FRMPD4: variants seen among roughly 807,000 people sequenced by gnomAD.
FRMPD4 encodes the protein FERM and PDZ domain containing 4.
In FRMPD4, 22 loss-of-function variants were observed where a neutral mutation model predicts 94.1. That is an observed-to-expected ratio of 0.23 (90% CI 0.17 to 0.33). The LOEUF is 0.33. Ranked by LOEUF, FRMPD4 falls within the 10% of genes least tolerant of loss-of-function variation. The pLI is 1.00. For synonymous variants in FRMPD4, 631 were observed against 548.6 expected, an observed-to-expected ratio of 1.15 and a Z score of -2.10; for missense variants, 1,111 against 1,339.9, an observed-to-expected ratio of 0.83 and a Z score of 2.67.
At chrX:12,684,976 C>T (rs2060006237) in intron 6 of FRMPD4, among the ~76,000 whole-genome samples, 1 of 111,821 alleles carries the variant, frequency 8.9e-6, no homozygotes, top group African/African-American at 3.3e-5. Context: ...TGACTGTCTT[C>T]ATTTCCAGTT....
chrX:12,421,068 C>T (rs938968791), intron 1 of FRMPD4, among the ~76,000 whole-genome samples: 1 of 111,165 alleles, frequency 9.0e-6, no homozygotes, highest in African/African-American at 3.3e-5. Context: ...GATATAATTT[C>T]ACCTACTGCC....
intron 3 of FRMPD4, among the ~76,000 whole-genome samples, chrX:11,933,054 G>C (rs1277776421): frequency 9.0e-6 from 1 of 111,573 alleles, no homozygotes; most frequent in South Asian, 3.8e-4. Context: ...GTTTAAGACC[G>C]AGTCCCCAAA....
intron 3 of FRMPD4, among the ~76,000 whole-genome samples, chrX:11,916,445 G>A (rs2054025389): frequency 9.0e-6 from 1 of 111,385 alleles, no homozygotes; most frequent in African/African-American, 3.3e-5. Context: ...AGGGAAAAAG[G>A]GGGATAATGA....
At chrX:12,665,774 A>G (rs898313863) in intron 4 of FRMPD4, among the ~76,000 whole-genome samples, 1 of 112,177 alleles carries the variant, frequency 8.9e-6, no homozygotes, top group African/African-American at 3.2e-5. Context: ...TCCTGAAGTA[A>G]GCACTAAATA....
chrX:12,402,358 G>A (rs12011867), intron 1 of FRMPD4, among the ~76,000 whole-genome samples: 5,706 of 111,071 alleles, frequency 0.051, 351 homozygotes, highest in African/African-American at 0.18. Flanking sequence ...TTCCACAAGA[G>A]GTCCAAAGCC....
At chrX:12,082,810 C>T (rs896967956) in intron 3 of FRMPD4, among the ~76,000 whole-genome samples, 1 of 111,767 alleles carries the variant, frequency 8.9e-6, no homozygotes, top group South Asian at 3.8e-4. Flanking sequence ...AGACTAGCGG[C>T]ATTTTCCCCC....
intron 3 of FRMPD4, among the ~76,000 whole-genome samples, chrX:12,038,443 A>C (rs1231109932): frequency 2.7e-5 from 3 of 112,217 alleles, no homozygotes; most frequent in Admixed American, 9.4e-5. Context: ...ACCCTTCTTT[A>C]GAATGTTTTT....
chrX:12,533,897 C>T (rs2148293983), intron 2 of FRMPD4, among the ~76,000 whole-genome samples: 1 of 112,776 alleles, frequency 8.9e-6, no homozygotes, highest in African/African-American at 3.2e-5. Flanking sequence ...AGGAGAAATT[C>T]AAGCAGGCTG....
intron 1 of FRMPD4, among the ~76,000 whole-genome samples, chrX:12,415,503 A>G (rs1255801784): frequency 8.9e-6 from 1 of 111,811 alleles, no homozygotes; most frequent in Non-Finnish European, 1.9e-5. Flanking sequence ...TTCATCTTCC[A>G]ACACCCCCTT....
chrX:11,877,426 A>C (rs1250962411), intron 2 of FRMPD4, among the ~76,000 whole-genome samples: 5 of 111,430 alleles, frequency 4.5e-5, no homozygotes, highest in African/African-American at 1.6e-4. Flanking sequence ...GCAGATGCTG[A>C]AGCTGCAGTT....
At chrX:12,303,980 G>T (rs1213008510) in intron 1 of FRMPD4, among the ~76,000 whole-genome samples, 1 of 112,326 alleles carries the variant, frequency 8.9e-6, no homozygotes. Context: ...AGACTGTACA[G>T]TCCTGAGCTG....
chrX:12,152,447 G>T (rs1332218900), intron 1 of FRMPD4, among the ~76,000 whole-genome samples: 1 of 110,876 alleles, frequency 9.0e-6, no homozygotes, highest in Non-Finnish European at 1.9e-5. Flanking sequence ...GGATCTATAA[G>T]AAACTAATAA....
intron 3 of FRMPD4, among the ~76,000 whole-genome samples, chrX:11,904,607 A>G (rs2053957750): frequency 8.9e-6 from 1 of 112,254 alleles, no homozygotes; most frequent in Non-Finnish European, 1.9e-5. Flanking sequence ...CACCCTTCTC[A>G]GGAAGCAAGC....
At chrX:12,660,721 T>A (rs1255978153) in intron 4 of FRMPD4, among the ~76,000 whole-genome samples, 3 of 112,444 alleles carry the variant, frequency 2.7e-5, no homozygotes, top group African/African-American at 9.7e-5. Flanking sequence ...ATAATTAATA[T>A]AAATAATTGG....
In FRMPD4 at chrX:12,717,610, G is replaced by A. The variant is rs777248043; in HGVS notation, c.2784G>A (p.Gln928=). ...CTGAACTGGCCACAGCACAAAAACA[G>A]TCAGAAAACCTCTCCCGCATGTTCT... ...ESSELATAQK[Q]SENLSRMFLA... Residue 928 remains glutamine (Q), a synonymous_variant, in exon 16 of 17, where the codon CAG becomes CAA. Coordinates refer to ENST00000675598, the MANE Select transcript of FRMPD4 (RefSeq NM_001368397.1). 8.3e-7 allele frequency: 1 copy of A among 1,207,532 alleles called. No individual in the cohort carries two copies. Among genetic ancestry groups the A allele is most frequent in the East Asian group, 3.0e-5 (1 of 33,839 alleles).
chrX:11,840,334 T>A (rs1471838299), intron 1 of FRMPD4, among the ~76,000 whole-genome samples: 1 of 111,741 alleles, frequency 8.9e-6, no homozygotes, highest in Non-Finnish European at 1.9e-5. Flanking sequence ...TATAATATTG[T>A]GGATGAATTT....
chrX:11,867,769 C>T (rs931762393), intron 2 of FRMPD4, among the ~76,000 whole-genome samples: 4 of 111,377 alleles, frequency 3.6e-5, no homozygotes, highest in Non-Finnish European at 3.8e-5. Flanking sequence ...CCCCTGTGTT[C>T]TGTTGTGACC....
chrX:12,266,200 CATTATT>C (rs2147836612), intron 1 of FRMPD4, among the ~76,000 whole-genome samples: 2 of 85,404 alleles, frequency 2.3e-5, no homozygotes, highest in South Asian at 1.2e-3. Flanking sequence ...TAGGAGAAAA[CATTATT>C]ATTATAGATG....
chrX:11,854,809 T>C (rs1157717054), intron 1 of FRMPD4, among the ~76,000 whole-genome samples: 1 of 111,944 alleles, frequency 8.9e-6, no homozygotes, highest in Non-Finnish European at 1.9e-5. Context: ...TGTCTGAAGC[T>C]TTTCCAGGTG....
Sources: allele counts gnomAD v4.1 joint callset (sites outside exome capture counted in the v4.1 genomes callset), GRCh38; gene constraint gnomAD v4.1.1; transcripts MANE v1.5; gene names NCBI Gene and HGNC (gene_info 2026-07-23, HGNC 2026-07-21).